SMYD3: variants seen among roughly 807,000 people sequenced by gnomAD.
SMYD3 encodes histone-lysine N-methyltransferase SMYD3.
Under a neutral mutation model 57.7 loss-of-function variants are expected in SMYD3, and 36 were observed. That is an observed-to-expected ratio of 0.62 (90% CI 0.48 to 0.82). SMYD3 has a LOEUF of 0.82. SMYD3 is among the 40% of genes least tolerant of loss of function. SMYD3 has a pLI of 0.00. For missense variants in SMYD3, 515 were observed against 538.8 expected (o/e 0.96, Z 0.44); for synonymous variants, 211 against 195.0 (o/e 1.08, Z -0.68).
intron 8 of SMYD3, among the ~76,000 whole-genome samples, chr1:245,893,632 A>G (rs1265623761): frequency 6.6e-6 from 1 of 152,222 alleles, no homozygotes. Context: ...ATATTGTGGA[A>G]AAGGTAAAAT....
At chr1:246,364,725 T>C (rs888018345) in intron 1 of SMYD3, among the ~76,000 whole-genome samples, 2 of 151,992 alleles carry the variant, frequency 1.3e-5, no homozygotes, top group Admixed American at 1.3e-4. Context: ...TAAAGCAACA[T>C]CAAAAAATTC....
At chr1:246,108,031 G>C (rs1374054459) in intron 5 of SMYD3, among the ~76,000 whole-genome samples, 1 of 152,210 alleles carries the variant, frequency 6.6e-6, no homozygotes, top group Non-Finnish European at 1.5e-5. Context: ...TCTGGAAAAT[G>C]AAAGTCCAGA....
intron 5 of SMYD3, among the ~76,000 whole-genome samples, chr1:246,129,629 T>C (rs1404608874): frequency 6.6e-6 from 1 of 152,156 alleles, no homozygotes; most frequent in African/African-American, 2.4e-5. Flanking sequence ...TGCCATTTAA[T>C]CAAACCTGAA....
intron 5 of SMYD3, among the ~76,000 whole-genome samples, chr1:245,974,380 T>C (rs1329678746): frequency 6.6e-6 from 1 of 152,202 alleles, no homozygotes; most frequent in African/African-American, 2.4e-5. Context: ...ATCCAGTCTA[T>C]CAGAGTCATG....
intron 1 of SMYD3, among the ~76,000 whole-genome samples, chr1:246,438,773 T>C (rs896105740): frequency 2.8e-5 from 4 of 142,092 alleles, no homozygotes; most frequent in Non-Finnish European, 6.4e-5. Context: ...AACCATCAGA[T>C]CATCCAATCA....
At chr1:246,339,113 G>A (rs914142904) in intron 2 of SMYD3, among the ~76,000 whole-genome samples, 1 of 152,094 alleles carries the variant, frequency 6.6e-6, no homozygotes, top group Non-Finnish European at 1.5e-5. Context: ...AATTTTCTAG[G>A]TAAATCAAAG....
At chr1:246,242,038 C>T (rs180746274) in intron 5 of SMYD3, among the ~76,000 whole-genome samples, 23 of 152,102 alleles carry the variant, frequency 1.5e-4, no homozygotes, top group Admixed American at 3.3e-4. Flanking sequence ...TCCAAAAAAC[C>T]GGCTCCTGGA....
chr1:246,437,686 CAACTT>C (rs777117977), intron 1 of SMYD3, among the ~76,000 whole-genome samples: 2 of 152,128 alleles, frequency 1.3e-5, no homozygotes, highest in Non-Finnish European at 2.9e-5. Flanking sequence ...ATTGAAAAAT[CAACTT>C]AAAAGCAGCA....
rs553195153 is a variant in SMYD3 at position 245,896,298 on chromosome 1, G to A, written c.813+19232C>T. Among the ~76,000 whole-genome samples the A allele has an allele frequency of 2.4e-4, 33 of 140,034 alleles. 1 individual carries two copies. The highest frequency in any genetic ancestry group is 5.0e-4 in the Non-Finnish European group (33 of 66,146). The allele number at this position is 140,034 out of a possible 152,430, so 91.9% of individuals were successfully genotyped here. ...CAGACTTCCAATCAAGATGCTGTAAGTTCAAACCTGGAAGCGTTCCCTTCT... is the reference window on the plus strand; with the variant it reads ...CAGACTTCCAATCAAGATGCTGTAAATTCAAACCTGGAAGCGTTCCCTTCT... On this transcript the variant is annotated intron_variant, in intron 8 of 11. Coordinates refer to ENST00000490107, the MANE Select transcript of SMYD3 (RefSeq NM_001167740.2).
chr1:246,436,916 T>TC (rs1446701987), intron 1 of SMYD3, among the ~76,000 whole-genome samples: 1 of 151,108 alleles, frequency 6.6e-6, no homozygotes, highest in Non-Finnish European at 1.5e-5. Flanking sequence ...TTTTTTTTTT[T>TC]TTGAGACAGA....
At chr1:246,224,430 A>T (rs867343547) in intron 5 of SMYD3, among the ~76,000 whole-genome samples, 2 of 152,128 alleles carry the variant, frequency 1.3e-5, no homozygotes, top group South Asian at 4.1e-4. Flanking sequence ...AAGGGGATGT[A>T]TCCAAAGTAT....
chr1:246,312,612 G>A (rs566165741), intron 5 of SMYD3, among the ~76,000 whole-genome samples: 1 of 152,208 alleles, frequency 6.6e-6, no homozygotes, highest in East Asian at 1.9e-4. Flanking sequence ...AAAAGGCAGA[G>A]TTTAGGCACT....
chr1:246,055,041 T>C (rs887120447), intron 5 of SMYD3, among the ~76,000 whole-genome samples: 3 of 151,922 alleles, frequency 2.0e-5, no homozygotes, highest in South Asian at 2.1e-4. Context: ...CCGGGCGTGG[T>C]GGTGGGCACC....
chr1:246,008,358 G>T (rs1434930964), intron 5 of SMYD3, among the ~76,000 whole-genome samples: 1 of 152,180 alleles, frequency 6.6e-6, no homozygotes, highest in African/African-American at 2.4e-5. Context: ...ATCCTGTAAT[G>T]CGACGTAAAT....
intron 5 of SMYD3, among the ~76,000 whole-genome samples, chr1:246,232,871 C>G (rs2063437448): frequency 7.4e-6 from 1 of 134,678 alleles, no homozygotes. Flanking sequence ...TCAATTCACA[C>G]TGTGATGAAC....
chr1:246,166,475 C>T (rs1013685998), intron 5 of SMYD3, among the ~76,000 whole-genome samples: 2 of 152,110 alleles, frequency 1.3e-5, no homozygotes, highest in South Asian at 2.1e-4. Context: ...TAGCTGTTGG[C>T]GTCACCAAAA....
Position 245,949,494 on chromosome 1 carries a change from C to T in SMYD3, c.532-19557G>A, listed in dbSNP as rs532901862. Among the ~76,000 whole-genome samples the T allele has an allele frequency of 1.7e-3, 262 of 152,266 alleles. 1 individual carries two copies. Among genetic ancestry groups the T allele is most frequent in the Middle Eastern group, 0.014 (4 of 294 alleles). ...ATCATATGGAGACTACACTACCGTG[C>T]GCACCCAGAACCAAAACCAAAGTAC... On this transcript the variant is annotated intron_variant, in intron 5 of 11. Transcript: ENST00000490107.
intron 5 of SMYD3, among the ~76,000 whole-genome samples, chr1:246,097,758 T>C (rs1035745431): frequency 6.6e-6 from 1 of 152,076 alleles, no homozygotes; most frequent in African/African-American, 2.4e-5. Context: ...CAATATGATG[T>C]AGAGGAGTGT....
At position 245,955,258 on chromosome 1, in the gene SMYD3, ATT is replaced by A. The variant is rs11290230; in HGVS notation, c.532-25323_532-25322del. ...AGGTGCCCGCCGCCATACCTGGCTA[ATT>A]TTTTTTTGTATTTTTTAGTAGAGAC... On this transcript the variant is annotated intron_variant, in intron 5 of 11. Transcript: ENST00000490107. 2.6e-5 allele frequency among the ~76,000 whole-genome samples: 4 copies of A among 152,232 alleles called. No homozygotes were observed. The East Asian group carries it at 5.8e-4, about 22-fold the overall frequency.
Sources: allele counts gnomAD v4.1 joint callset (sites outside exome capture counted in the v4.1 genomes callset), GRCh38; gene constraint gnomAD v4.1.1; transcripts MANE v1.5; gene names NCBI Gene and HGNC (gene_info 2026-07-23, HGNC 2026-07-21).